CREBBP: variants seen among roughly 807,000 people sequenced by gnomAD.
CREBBP encodes the protein CREB-binding protein.
CREBBP carries 19 observed loss-of-function variants against 265.0 expected under a neutral mutation model. The ratio of observed to expected loss-of-function variants is 0.07; its 90% CI spans 0.05 to 0.11. CREBBP has a LOEUF of 0.11. Among genes scored for constraint, CREBBP ranks in the 10% least tolerant of loss-of-function variants. The probability of loss-of-function intolerance (pLI) is 1.00; values close to 1 mark genes in which losing one functional copy is unlikely to be tolerated. For synonymous variants in CREBBP, 1,457 were observed against 1,223.7 expected (o/e 1.19, Z -3.98); for missense variants, 2,525 against 3,219.0 (o/e 0.78, Z 5.22).
chr16:3,821,628 T>C (rs1043871569), intron 2 of CREBBP, among the ~76,000 whole-genome samples: 1 of 152,164 alleles, frequency 6.6e-6, no homozygotes, highest in Admixed American at 6.5e-5. Context: ...CTCTTCAGGA[T>C]TAAGTGCCCC....
intron 1 of CREBBP, among the ~76,000 whole-genome samples, chr16:3,873,072 T>A (rs764367343): frequency 3.9e-5 from 6 of 152,324 alleles, no homozygotes; most frequent in Middle Eastern, 3.4e-3. Context: ...GGTTTCATCT[T>A]CTCAAGATGG....
At chr16:3,777,821 G>A in intron 10 of CREBBP, 164 bp from the exon 11 acceptor site, 1 of 1,066,234 alleles carries the variant, frequency 9.4e-7, no homozygotes, top group Non-Finnish European at 1.4e-6. Flanking sequence ...CCTGTAAAGG[G>A]CCTTCCCAAG....
chr16:3,735,881 C>T (rs952487469), intron 28 of CREBBP, among the ~76,000 whole-genome samples, 155 bp downstream of exon 28: 8 of 152,180 alleles, frequency 5.3e-5, no homozygotes, highest in Non-Finnish European at 1.0e-4. Flanking sequence ...CACTGCTGCC[C>T]ACCAACGCCC....
chr16:3,768,136 G>GTGT (rs2052905104), intron 15 of CREBBP, among the ~76,000 whole-genome samples: 2 of 51,592 alleles, frequency 3.9e-5, no homozygotes, highest in African/African-American at 1.3e-4. Flanking sequence ...ATTTAAAAGT[G>GTGT]TTTTTTTTTT....
chr16:3,810,852 A>C, intron 2 of CREBBP, 73 bp from the exon 3 acceptor site: 4 of 1,473,942 alleles, frequency 2.7e-6, no homozygotes, highest in Non-Finnish European at 3.8e-6. Flanking sequence ...GGAAATGCTC[A>C]CACAGTTTCC....
rs2151336663 is a variant in CREBBP, at chr16:3,739,599, T to C, written c.4259A>G (p.Asp1420Gly). ...CTACCTCGTGTTTGGAGGGGGGCAA[T>C]CAGAGCCGTATTCTTGGACGTGCAT... ...FGMHVQEYGS[D>G]CPPPNTRRVY... Residue 1420 changes from aspartate to glycine, a missense_variant, in exon 25 of 31, where the codon GAT (aspartate) becomes GGT (glycine). By Grantham distance (94) the Asp-to-Gly change is moderately conservative. Around this residue, in one of 19 missense-constraint regions of CREBBP, gnomAD observed 252 missense variants for 452.5 expected, o/e 0.56. Transcript: ENST00000262367. The C allele has an allele frequency of 1.9e-6, 3 of 1,614,100 alleles. No homozygotes were observed. The highest frequency in any genetic ancestry group is 2.5e-6 in the Non-Finnish European group (3 of 1,180,032).
chr16:3,776,178 A>G (rs2053134310), intron 11 of CREBBP, among the ~76,000 whole-genome samples: 1 of 152,002 alleles, frequency 6.6e-6, no homozygotes, highest in African/African-American at 2.4e-5. Context: ...TCGGCCTCCC[A>G]AAGTGCTGGG....
At chr16:3,759,268 T>C (rs2052655273) in intron 16 of CREBBP, among the ~76,000 whole-genome samples, 1 of 152,134 alleles carries the variant, frequency 6.6e-6, no homozygotes, top group Non-Finnish European at 1.5e-5. Context: ...CCCAAATCTG[T>C]CTCATTCATC....
chr16:3,778,843 C>T (rs2141238736), intron 8 of CREBBP, 26 bp from the exon 9 acceptor site: 1 of 1,598,282 alleles, frequency 6.3e-7, no homozygotes, highest in Non-Finnish European at 8.6e-7. Flanking sequence ...ATCTATCAAA[C>T]TACTTTTTTT....
intron 3 of CREBBP, 119 bp from the exon 4 acceptor site, chr16:3,793,745 C>G: frequency 8.1e-7 from 1 of 1,236,918 alleles, no homozygotes; most frequent in Non-Finnish European, 1.1e-6. Flanking sequence ...AGAGAGAAGG[C>G]TGGTGTAGTT....
chr16:3,751,909 AG>A (rs1001597566), intron 19 of CREBBP, 103 bp from the exon 20 acceptor site: 17 of 1,088,550 alleles, frequency 1.6e-5, no homozygotes, highest in East Asian at 1.5e-4. Context: ...ACCACGACGA[AG>A]GGGGGGCGTT....
chr16:3,869,588 C>T (rs1008114711), intron 1 of CREBBP, among the ~76,000 whole-genome samples: 5 of 152,214 alleles, frequency 3.3e-5, no homozygotes, highest in African/African-American at 1.2e-4. Context: ...TGGCTATCTT[C>T]ATTTACTCAA....
chr16:3,853,594 C>T (rs948955298), intron 1 of CREBBP, among the ~76,000 whole-genome samples: 3 of 150,416 alleles, frequency 2.0e-5, no homozygotes, highest in African/African-American at 7.4e-5. Context: ...TGGATGACAG[C>T]CTGGGAAACA....
chr16:3,788,839 G>A (rs749308797), intron 5 of CREBBP, among the ~76,000 whole-genome samples: 2 of 152,140 alleles, frequency 1.3e-5, no homozygotes, highest in East Asian at 1.9e-4. Context: ...GCAGTCCCAG[G>A]TACTCAGGAG....
chr16:3,784,647 T>C (rs182621475), intron 5 of CREBBP: 1 of 152,366 alleles, frequency 6.6e-6, no homozygotes, highest in East Asian at 1.9e-4. Flanking sequence ...CACATGGTGA[T>C]GGACTGTGGA....
chr16:3,849,433 GTGTGTGTGTGTGTGTGTGTGT>G (rs1567360283), intron 2 of CREBBP, among the ~76,000 whole-genome samples: 410 of 14,272 alleles, frequency 0.029, 21 homozygotes, highest in Non-Finnish European at 0.063. Flanking sequence ...GTGTGTGTGT[GTGTGTGTGTGTGTGTGTGTGT>G]GTGTGTGTGT....
In CREBBP at chr16:3,802,581, T is replaced by C. The variant is rs546474504; in HGVS notation, c.975+8022A>G. Reference sequence around the variant, plus strand: ...ATAACAGAGATGTGCATACAGAATGTGGATAATAACGCTTATCCTCACATT... The same window carrying C: ...ATAACAGAGATGTGCATACAGAATGCGGATAATAACGCTTATCCTCACATT... On this transcript the variant is annotated intron_variant, in intron 3 of 30. Transcript: ENST00000262367. 3.0e-4 allele frequency among the ~76,000 whole-genome samples: 45 copies of C among 152,318 alleles called. 1 individual carries two copies. The South Asian group carries it at 8.5e-3, about 29-fold the overall frequency.
rs376029427 is a variant in CREBBP at position 3,740,825 on chromosome 16, G to A, written c.3983-276C>T. The A allele has an allele frequency of 4.7e-5, 22 of 471,700 alleles. 1 individual carries two copies. The highest frequency in any genetic ancestry group is 8.6e-5 in the East Asian group (2 of 23,368). The allele number at this position is 471,700 out of a possible 1,614,324, so 29.2% of individuals were successfully genotyped here. On this transcript the variant is annotated intron_variant, in intron 23 of 30. Coordinates refer to ENST00000262367, the MANE Select transcript of CREBBP (RefSeq NM_004380.3). ...CAGTATGGGGCAGAAGACCTATAGC[G>A]GTGGGTCCAAAATTGACAGGGGCTC...
At chr16:3,836,302 T>C (rs2054448784) in intron 2 of CREBBP, among the ~76,000 whole-genome samples, 1 of 151,508 alleles carries the variant, frequency 6.6e-6, no homozygotes, top group African/African-American at 2.4e-5. Context: ...GGCATGGTGG[T>C]GCACACCTGT....
Sources: gnomAD v4.1 joint callset for allele counts (sites outside exome capture counted in the v4.1 genomes callset) on GRCh38, gnomAD v4.1.1 for gene constraint, gnomAD v4.1.1 regional missense constraint, MANE v1.5 for transcripts, NCBI Gene and HGNC (gene_info 2026-07-23, HGNC 2026-07-21) for gene names.